Variants in GREP1 observed in about 807,000 individuals in gnomAD.
GREP1 encodes glycine-rich extracellular protein 1.
Position 2,990,025 on chromosome 16 carries a change from C to G in GREP1, c.163+19C>G, listed in dbSNP as rs2072390485. On this transcript the variant is annotated intron_variant, in intron 4 of 34. Coordinates refer to ENST00000573315, the Ensembl canonical transcript of GREP1. ...AAGCCAGGTGAGCCCTGCCCCGGCC[C>G]CAGCTCTTTGTCTCCCCCTCTTTCT... 2.5e-6 allele frequency: 1 copy of G among 399,440 alleles called. No homozygotes were observed. Among genetic ancestry groups the G allele is most frequent in the Admixed American group, 4.4e-5 (1 of 22,718 alleles). The allele number at this position is 399,440 out of a possible 1,614,324, so 24.7% of individuals were successfully genotyped here.
At chr16:2,996,285 C>T (rs952087661) in intron 18 of GREP1, among the ~76,000 whole-genome samples, 8 of 152,086 alleles carry the variant, frequency 5.3e-5, no homozygotes, top group Non-Finnish European at 8.8e-5. Context: ...GCCAGGGGGC[C>T]GGGAGGGCAG....
chr16:2,998,948 C>T (rs958985907), exon 26 of GREP1: 8 of 399,014 alleles, frequency 2.0e-5, no homozygotes, highest in African/African-American at 6.2e-5. Context: ...AATCCCAGCC[C>T]CCTTCCGCAG....
chr16:3,000,466 A>G, exon 31 of GREP1: 1 of 399,234 alleles, frequency 2.5e-6, no homozygotes, highest in Non-Finnish European at 4.4e-6. Flanking sequence ...TTTTAGGAAT[A>G]GTGAGTCAGA....
intron 21 of GREP1, 166 bp downstream of exon 20, chr16:2,997,251 G>T (rs1019872200): frequency 8.0e-5 from 32 of 398,760 alleles, no homozygotes; most frequent in Non-Finnish European, 1.8e-5. Context: ...TCCAGAGCAG[G>T]TGGACACCAA....
Position 2,990,600 on chromosome 16 carries a change from G to A in GREP1, c.268+13G>A. The A allele has an allele frequency of 5.0e-6, 2 of 399,232 alleles. No homozygotes were observed. The highest frequency in any genetic ancestry group is 8.8e-5 in the Admixed American group (2 of 22,736). 24.7% of individuals were successfully genotyped at this position (399,232 alleles called of 1,614,324 possible). On this transcript the variant is annotated intron_variant, in intron 7 of 34. Transcript: ENST00000573315. ...GCAGCCCAGCCAGGTGAGGCTGGGG[G>A]AAGCGGGTAAGGAATGGGAGGGGCT...
At chr16:2,996,556 C>A (rs141167176) in intron 19 of GREP1, 25 bp downstream of exon 18, 177 of 399,266 alleles carry the variant, frequency 4.4e-4, no homozygotes, top group East Asian at 3.9e-3. Context: ...GCCTGGCTCG[C>A]GAGGGGTCGG....
chr16:2,991,365 A>T lies in GREP1; in HGVS notation c.322+264A>T. ...CACCCCACCGCTCATGGCCCTCACCAATGTCTCCCCAGGATTGGGGAGCAG... is the reference window on the plus strand; with the variant it reads ...CACCCCACCGCTCATGGCCCTCACCTATGTCTCCCCAGGATTGGGGAGCAG... On this transcript the variant is annotated intron_variant, in intron 8 of 34. Coordinates refer to ENST00000573315, the Ensembl canonical transcript of GREP1. This position sits in a 1 kb window ranked among gnomAD's most constrained non-coding sequence, Gnocchi z 4.9. The T allele has an allele frequency of 2.8e-6, 1 of 357,806 alleles. No homozygotes were observed. The highest frequency in any genetic ancestry group is 4.1e-5 in the East Asian group (1 of 24,614). 22.2% of individuals were successfully genotyped at this position (357,806 alleles called of 1,614,324 possible). A position where few individuals can be genotyped will look rare whatever the true frequency, so the allele number is the denominator to read the frequency against.
rs1487578208 is a variant in GREP1, at chr16:2,992,470, G to A, written c.323-335G>A. 1 of 204,540 alleles carries A rather than the reference G, an allele frequency of 4.9e-6. No homozygotes were observed. The highest frequency in any genetic ancestry group is 9.7e-6 in the Non-Finnish European group (1 of 103,068). The allele number at this position is 204,540 out of a possible 1,614,324, so 12.7% of individuals were successfully genotyped here. On this transcript the variant is annotated intron_variant, in intron 8 of 34. Transcript: ENST00000573315. The surrounding 1 kb of genome is among the most constrained non-coding windows in gnomAD (Gnocchi z 4.9). The stretch of plus-strand genomic sequence containing the variant: ...GCCGAAGGGGCTGGGGTGGCTGGGG[G>A]AGAGGTCAGGGGCCCAGGGCCACAC...
intron 24 of GREP1, 49 bp from the exon 23 acceptor site, chr16:2,998,445 A>T (rs1386743502): frequency 2.5e-6 from 1 of 399,030 alleles, no homozygotes; most frequent in African/African-American, 2.1e-5. Context: ...CAGCCCTTCT[A>T]GCCTCTGCCC....
Position 2,997,795 on chromosome 16 carries a change from C to G in GREP1, c.917-8C>G. 1 of 398,508 alleles carries G rather than the reference C, an allele frequency of 2.5e-6. No homozygotes were observed. Among genetic ancestry groups the G allele is most frequent in the Non-Finnish European group, 4.4e-6 (1 of 226,042 alleles). The allele number at this position is 398,508 out of a possible 1,614,324, so 24.7% of individuals were successfully genotyped here. ...GCATGGGTCCCTCACCTACTCGCATCTCTCCAGGTGCTGGAGAGGGCATGA... is the reference window on the plus strand; with the variant it reads ...GCATGGGTCCCTCACCTACTCGCATGTCTCCAGGTGCTGGAGAGGGCATGA... On this transcript the variant is annotated splice_region_variant and splice_polypyrimidine_tract_variant and intron_variant, in intron 22 of 34. Transcript: ENST00000573315.
chr16:3,001,629 CT>C (rs2072462682), exon 35 of GREP1: 1 of 399,052 alleles, frequency 2.5e-6, no homozygotes, highest in Non-Finnish European at 4.4e-6. Flanking sequence ...AAGACAGACC[CT>C]TGGGCTTGGC....
rs1176535122 is a variant in GREP1 at position 3,001,352 on chromosome 16, T to A, written c.1585+18T>A. 2.5e-6 allele frequency: 1 copy of A among 398,968 alleles called. No individual in the cohort carries two copies. Among genetic ancestry groups the A allele is most frequent in the African/African-American group, 2.1e-5 (1 of 48,608 alleles). 24.7% of individuals were successfully genotyped at this position (398,968 alleles called of 1,614,324 possible). A position where few individuals can be genotyped will look rare whatever the true frequency, so the allele number is the denominator to read the frequency against. ...CTACGGAGGTGAGAGGGAGGCGCAATGGCCGAGCCGCCTGCCCAAAGGCCC... is the reference window on the plus strand; with the variant it reads ...CTACGGAGGTGAGAGGGAGGCGCAAAGGCCGAGCCGCCTGCCCAAAGGCCC... On this transcript the variant is annotated intron_variant, in intron 34 of 34. Transcript: ENST00000573315.
intron 23 of GREP1, 80 bp from the exon 22 acceptor site, chr16:2,998,276 G>A: frequency 2.5e-6 from 1 of 398,898 alleles, no homozygotes; most frequent in East Asian, 3.6e-5. Flanking sequence ...GGGCTAGGGG[G>A]ATCAGCAGGG....
chr16:2,990,260 AG>A, intron 5 of GREP1, 138 bp downstream of exon 5: 2 of 397,958 alleles, frequency 5.0e-6, no homozygotes, highest in Non-Finnish European at 8.8e-6. Flanking sequence ...GGGGGGTTCA[AG>A]GGTCTTGTAC....
chr16:3,001,865 A>T (rs537879472), exon 35 of GREP1: 6 of 376,380 alleles, frequency 1.6e-5, no homozygotes, highest in Non-Finnish European at 2.8e-5. Context: ...AACAGACTCG[A>T]TCAACGCCTG....
intron 33 of GREP1, 43 bp from the exon 28 acceptor site, chr16:3,001,238 T>C (rs1301267857): frequency 1.0e-5 from 4 of 399,088 alleles, no homozygotes; most frequent in Non-Finnish European, 1.8e-5. Context: ...ACGGAAGCTC[T>C]CTGGTGACCC....
chr16:2,999,965 T>G (rs898300670), intron 28 of GREP1, 22 bp downstream of exon 25: 10 of 398,816 alleles, frequency 2.5e-5, no homozygotes, highest in African/African-American at 2.1e-4. Context: ...CTTCCTGGAG[T>G]TCCTCCCCTC....
intron 2 of GREP1, chr16:2,988,927 G>T: frequency 2.8e-6 from 1 of 355,590 alleles, no homozygotes. Context: ...GCCGGAGGGG[G>T]AGAGGAGGGA....
chr16:2,997,549 G>A (rs2072432113), intron 22 of GREP1: 3 of 398,088 alleles, frequency 7.5e-6, no homozygotes, highest in Non-Finnish European at 1.3e-5. Flanking sequence ...GTCTGGAGAG[G>A]AGGCGGCACA....
Sources: gnomAD v4.1 joint callset for allele counts (sites outside exome capture counted in the v4.1 genomes callset) on GRCh38, gnomAD v4.1.1 for gene constraint, Gnocchi (gnomAD v3.1) non-coding constraint, MANE v1.5 for transcripts, NCBI Gene and HGNC (gene_info 2026-07-23, HGNC 2026-07-21) for gene names.